NFXL1: variants seen among roughly 807,000 people sequenced by gnomAD.
NFXL1 encodes the protein NF-X1-type zinc finger protein NFXL1.
A neutral mutation model predicts 123.3 loss-of-function variants in NFXL1; 66 were observed. The ratio of observed to expected loss-of-function variants is 0.54; its 90% CI spans 0.44 to 0.66. The LOEUF is 0.66. Ranked by LOEUF, NFXL1 falls within the 30% of genes least tolerant of loss-of-function variation. NFXL1 has a pLI of 0.00. For missense variants in NFXL1, 944 were observed against 1,125.6 expected, an observed-to-expected ratio of 0.84 and a Z score of 2.31; for synonymous variants, 346 against 360.8, an observed-to-expected ratio of 0.96 and a Z score of 0.46.
At position 47,905,205 on chromosome 4, in the gene NFXL1, A is replaced by G. The variant is rs924185199; in HGVS notation, c.516+32T>C. The G allele has an allele frequency of 3.4e-6, 3 of 870,040 alleles. No individual in the cohort carries two copies. In the African/African-American group the frequency reaches 5.0e-5, roughly 15 times the overall value. 53.9% of individuals were successfully genotyped at this position (870,040 alleles called of 1,614,324 possible). On this transcript the variant is annotated intron_variant, in intron 4 of 22. Coordinates refer to ENST00000507489, the MANE Select transcript of NFXL1 (RefSeq NM_001278624.2). ...AGGCAAACTAAGGTATTTTGGGGAG[A>G]TACATTAATATAAATAAGGAGAAAA...
At chr4:47,914,306 T>C (rs1181653636) in intron 1 of NFXL1, 59 bp downstream of exon 1, 4 of 928,048 alleles carry the variant, frequency 4.3e-6, no homozygotes, top group South Asian at 1.8e-5. Flanking sequence ...AGGGGCCGAG[T>C]GAGGAAGGTT....
At chr4:47,902,275 T>C (rs957483064) in intron 5 of NFXL1, among the ~76,000 whole-genome samples, 1 of 152,242 alleles carries the variant, frequency 6.6e-6, no homozygotes, top group African/African-American at 2.4e-5. Flanking sequence ...ATGAAGCTTA[T>C]GCTTCATTAC....
intron 19 of NFXL1, among the ~76,000 whole-genome samples, chr4:47,861,600 T>G (rs1304663528): frequency 6.8e-6 from 1 of 147,588 alleles, no homozygotes; most frequent in Non-Finnish European, 1.5e-5. Flanking sequence ...ACTTATTACC[T>G]GGAATCTGAA....
chr4:47,859,902 G>A (rs1734656778), intron 19 of NFXL1, among the ~76,000 whole-genome samples: 1 of 135,088 alleles, frequency 7.4e-6, no homozygotes, highest in South Asian at 2.4e-4. Flanking sequence ...AATACCACAT[G>A]ATCTCACTCA....
chr4:47,875,189 A>C lies in NFXL1; in HGVS notation c.2184T>G (p.Pro728=), dbSNP rs1359515019. Residue 728 remains proline, a synonymous_variant, in exon 18 of 23, where the codon CCT becomes CCG. Coordinates refer to ENST00000507489, the MANE Select transcript of NFXL1 (RefSeq NM_001278624.2). ...ILRCHPGECP[P]CVQMLRIKCH... ...ATTTTATTCTAAGCATCTGAACACA[A>C]GGTGGACATTCTCCAGGGTGACATC... 1 of 1,612,720 alleles carries C rather than the reference A, an allele frequency of 6.2e-7. No individual in the cohort carries two copies. Among genetic ancestry groups the C allele is most frequent in the East Asian group, 2.2e-5 (1 of 44,852 alleles).
rs546234579 is a variant in NFXL1 at position 47,914,299 on chromosome 4, G to A, written c.-3+66C>T. 3.0e-3 allele frequency: 2,887 copies of A among 973,526 alleles called. 5 individuals carry two copies. The highest frequency in any genetic ancestry group is 3.8e-3 in the Non-Finnish European group (2,594 of 682,678). 60.3% of individuals were successfully genotyped at this position (973,526 alleles called of 1,614,324 possible). On this transcript the variant is annotated intron_variant, in intron 1 of 22. Transcript: ENST00000507489. Reference sequence around the variant, plus strand: ...GTCAGTGCGGAAACCCGGTGTGAGGGGCCGAGTGAGGAAGGTTCCTGCAGG... The same window carrying A: ...GTCAGTGCGGAAACCCGGTGTGAGGAGCCGAGTGAGGAAGGTTCCTGCAGG...
At chr4:47,884,120 A>G (rs1356255754) in intron 15 of NFXL1, among the ~76,000 whole-genome samples, 1 of 152,188 alleles carries the variant, frequency 6.6e-6, no homozygotes, top group Non-Finnish European at 1.5e-5. Flanking sequence ...ATCAAACTCC[A>G]ACTGGGGGTA....
At chr4:47,889,650 C>G (rs571063932) in intron 12 of NFXL1, among the ~76,000 whole-genome samples, 2 of 152,176 alleles carry the variant, frequency 1.3e-5, no homozygotes, top group African/African-American at 4.8e-5. Flanking sequence ...ATTTCTTACT[C>G]TAAGTCCACG....
At chr4:47,908,880 G>A (rs1376005410) in intron 3 of NFXL1, among the ~76,000 whole-genome samples, 6 of 151,134 alleles carry the variant, frequency 4.0e-5, no homozygotes, top group Admixed American at 1.3e-4. Flanking sequence ...GCATGAACCC[G>A]GGTGGTGGAG....
In NFXL1 at chr4:47,914,499, C is replaced by T. The variant is rs1324050729; in HGVS notation, c.-137G>A. 2.9e-6 allele frequency: 1 copy of T among 346,852 alleles called. No homozygotes were observed. The highest frequency in any genetic ancestry group is 2.1e-5 in the African/African-American group (1 of 47,772). 21.5% of individuals were successfully genotyped at this position (346,852 alleles called of 1,614,324 possible). A position where few individuals can be genotyped will look rare whatever the true frequency, so the allele number is the denominator to read the frequency against. ...AGAAAGCCGGAGGAGAAGTCGAAAC[C>T]GCCTCCTCAGCCTCTGCGGGAGCGT... On this transcript the variant is annotated 5_prime_UTR_variant, in exon 1 of 23. Coordinates refer to ENST00000507489, the MANE Select transcript of NFXL1 (RefSeq NM_001278624.2).
At chr4:47,889,394 T>C (rs1040684739) in intron 12 of NFXL1, among the ~76,000 whole-genome samples, 5 of 152,176 alleles carry the variant, frequency 3.3e-5, no homozygotes, top group Admixed American at 6.5e-5. Context: ...ACAGGGTAAA[T>C]AGAATCTGAC....
intron 2 of NFXL1, among the ~76,000 whole-genome samples, chr4:47,912,753 C>A (rs548434134): frequency 3.1e-4 from 45 of 146,816 alleles, no homozygotes; most frequent in Non-Finnish European, 1.5e-4. Flanking sequence ...CCACCGCGCC[C>A]GGACAGAATG....
chr4:47,899,690 C>A, intron 5 of NFXL1, 142 bp from the exon 6 acceptor site: 1 of 606,350 alleles, frequency 1.6e-6, no homozygotes, highest in Non-Finnish European at 2.9e-6. Flanking sequence ...AGTGAAAAAA[C>A]AAGATCTTAT....
At chr4:47,877,149 G>A (rs776579367) in intron 17 of NFXL1, 2 of 500,726 alleles carry the variant, frequency 4.0e-6, no homozygotes, top group African/African-American at 2.0e-5. Flanking sequence ...CTACTCTCCT[G>A]TTGCAGAATC....
intron 2 of NFXL1, 44 bp downstream of exon 2, chr4:47,913,925 T>C (rs1737972737): frequency 7.0e-7 from 1 of 1,425,564 alleles, no homozygotes; most frequent in African/African-American, 1.4e-5. Flanking sequence ...AGTAACTGCC[T>C]TAGGAGGCAT....
chr4:47,885,375 C>T, intron 14 of NFXL1, 123 bp downstream of exon 14: 1 of 777,474 alleles, frequency 1.3e-6, no homozygotes, highest in East Asian at 2.5e-5. Context: ...TTACCTTGTA[C>T]CCTGCTCCAA....
At chr4:47,859,900 A>G (rs1260995076) in intron 19 of NFXL1, among the ~76,000 whole-genome samples, 2 of 149,986 alleles carry the variant, frequency 1.3e-5, no homozygotes, top group African/African-American at 2.4e-5. Flanking sequence ...GAAATACCAC[A>G]TGATCTCACT....
intron 17 of NFXL1, chr4:47,877,254 A>T: frequency 2.3e-6 from 1 of 442,656 alleles, no homozygotes; most frequent in Non-Finnish European, 4.6e-6. Flanking sequence ...AACAAAAAAA[A>T]TCACTGAATC....
At position 47,903,237 on chromosome 4, in the gene NFXL1, A is replaced by G; in HGVS notation, c.603T>C (p.Ser201=). 6.2e-7 allele frequency: 1 copy of G among 1,600,056 alleles called. No individual in the cohort carries two copies. Among genetic ancestry groups the G allele is most frequent in the Non-Finnish European group, 8.5e-7 (1 of 1,173,032 alleles). Residue 201 remains serine (S), a synonymous_variant, in exon 5 of 23, where the codon TCT becomes TCC. Transcript: ENST00000507489. ...WAKDSQFLVS[S]VTDDDFGKKD... Reference sequence around the variant, plus strand: ...TCTTTCCAAAATCATCATCAGTCACAGAAGATACAAGAAACTGGCTGTCTT... The same window carrying G: ...TCTTTCCAAAATCATCATCAGTCACGGAAGATACAAGAAACTGGCTGTCTT...
Sources: gnomAD v4.1 joint callset for allele counts (sites outside exome capture counted in the v4.1 genomes callset) on GRCh38, gnomAD v4.1.1 for gene constraint, MANE v1.5 for transcripts, NCBI Gene and HGNC (gene_info 2026-07-23, HGNC 2026-07-21) for gene names.